Variants in SENP7 observed in about 807,000 individuals in gnomAD.
SENP7 encodes sentrin-specific protease 7.
In SENP7, 64 loss-of-function variants were observed where a neutral mutation model predicts 141.2. That is an observed-to-expected ratio of 0.45 (90% CI 0.37 to 0.56). The LOEUF is 0.56. Among genes scored for constraint, SENP7 ranks in the 20% least tolerant of loss-of-function variants. The probability of loss-of-function intolerance (pLI) is 0.00; values close to 1 mark genes in which losing one functional copy is unlikely to be tolerated. For missense variants in SENP7, 1,025 were observed against 1,212.2 expected (o/e 0.85, Z 2.29); for synonymous variants, 382 against 426.4 (o/e 0.90, Z 1.28).
chr3:101,385,226 C>T (rs1185654584), intron 6 of SENP7, among the ~76,000 whole-genome samples: 1 of 151,808 alleles, frequency 6.6e-6, no homozygotes, highest in Non-Finnish European at 1.5e-5. Context: ...AAAAAAAATA[C>T]CTTGAATGTC....
intron 1 of SENP7, among the ~76,000 whole-genome samples, chr3:101,511,811 G>C (rs543355094): frequency 1.3e-4 from 19 of 148,970 alleles, no homozygotes; most frequent in South Asian, 4.3e-4. Context: ...GGTTTTTTTT[G>C]TTTTTTTTTT....
chr3:101,399,740 C>CCTGA (rs2061078359), intron 5 of SENP7, among the ~76,000 whole-genome samples: 2 of 152,204 alleles, frequency 1.3e-5, no homozygotes, highest in African/African-American at 4.8e-5. Flanking sequence ...ATCCTCCTAC[C>CCTGA]TCAGCCTCTT....
At chr3:101,421,115 T>A (rs988543344) in intron 4 of SENP7, among the ~76,000 whole-genome samples, 1 of 152,142 alleles carries the variant, frequency 6.6e-6, no homozygotes, top group African/African-American at 2.4e-5. Flanking sequence ...ATAATTGTTA[T>A]GTAAGAGAAT....
intron 5 of SENP7, among the ~76,000 whole-genome samples, chr3:101,406,676 G>C (rs746907621): frequency 6.6e-6 from 1 of 151,884 alleles, no homozygotes; most frequent in Non-Finnish European, 1.5e-5. Flanking sequence ...AGCTTCCCTG[G>C]CCTTGCTAGA....
At chr3:101,386,183 G>A (rs923045642) in intron 6 of SENP7, among the ~76,000 whole-genome samples, 13 of 152,162 alleles carry the variant, frequency 8.5e-5, no homozygotes, top group African/African-American at 3.1e-4. Context: ...TAATTCAGCA[G>A]AGAACTGACA....
chr3:101,417,550 T>G, intron 5 of SENP7, 43 bp downstream of exon 5: 1 of 1,464,470 alleles, frequency 6.8e-7, no homozygotes. Flanking sequence ...TCATATTATT[T>G]CAAATGTGGT....
intron 3 of SENP7, among the ~76,000 whole-genome samples, chr3:101,464,223 A>T (rs2063684429): frequency 1.3e-5 from 2 of 152,216 alleles, no homozygotes; most frequent in South Asian, 2.1e-4. Context: ...GAACAAAATT[A>T]AAAAAGAAAC....
chr3:101,400,117 A>G (rs922682740), intron 5 of SENP7, among the ~76,000 whole-genome samples: 11 of 152,228 alleles, frequency 7.2e-5, no homozygotes, highest in African/African-American at 2.7e-4. Flanking sequence ...ACACTACAAT[A>G]ATGCCTTCAA....
chr3:101,346,659 G>A (rs535675266), intron 13 of SENP7, among the ~76,000 whole-genome samples: 1 of 152,176 alleles, frequency 6.6e-6, no homozygotes, highest in South Asian at 2.1e-4. Context: ...CTCAGGAATG[G>A]AAAACCAATC....
At chr3:101,487,778 A>G (rs1362850968) in intron 3 of SENP7, among the ~76,000 whole-genome samples, 4 of 152,106 alleles carry the variant, frequency 2.6e-5, no homozygotes, top group Non-Finnish European at 4.4e-5. Context: ...GTAGGTGTGC[A>G]GCATTATTTC....
chr3:101,375,404 G>A lies in SENP7; in HGVS notation c.678-3278C>T, dbSNP rs143881583. Among the ~76,000 whole-genome samples the A allele has an allele frequency of 6.1e-3, 934 of 151,886 alleles. 6 individuals carry two copies. Among genetic ancestry groups the A allele is most frequent in the African/African-American group, 0.022 (895 of 41,434 alleles). ...CTACTAATACAAAAATTAGCCAGGC[G>A]TGGTGGCGCACGCCTGTAATCCCAG... is the stretch of plus-strand genomic sequence containing the variant. On this transcript the variant is annotated intron_variant, in intron 6 of 23. Coordinates refer to ENST00000394095, the MANE Select transcript of SENP7 (RefSeq NM_020654.5).
intron 5 of SENP7, among the ~76,000 whole-genome samples, chr3:101,408,531 T>C (rs979199629): frequency 9.9e-5 from 15 of 151,966 alleles, no homozygotes; most frequent in African/African-American, 3.6e-4. Context: ...CAAAAGTCCT[T>C]AACAAAATAT....
At chr3:101,402,001 C>CAAA (rs35310049) in intron 5 of SENP7, among the ~76,000 whole-genome samples, 1 of 108,784 alleles carries the variant, frequency 9.2e-6, no homozygotes, top group Admixed American at 9.0e-5. Context: ...GACCCTGCCT[C>CAAA]AAAAAAAAAA....
chr3:101,498,997 C>T (rs1156552362), intron 2 of SENP7, among the ~76,000 whole-genome samples: 1 of 152,128 alleles, frequency 6.6e-6, no homozygotes, highest in African/African-American at 2.4e-5. Flanking sequence ...TTGGGGACCA[C>T]TGGTTTAAGG....
chr3:101,503,417 A>AT (rs1230331742), intron 1 of SENP7, among the ~76,000 whole-genome samples: 7 of 152,230 alleles, frequency 4.6e-5, no homozygotes, highest in Admixed American at 2.6e-4. Flanking sequence ...ATATTCAGGT[A>AT]TTTTTGTTCT....
Position 101,366,670 on chromosome 3 carries a change from G to A in SENP7, c.1078C>T (p.Pro360Ser), listed in dbSNP as rs200274145. The change falls in exon 9 of 24, where the codon CCT becomes TCT. Residue 360 changes from proline (P) to serine (S), a missense_variant. Pro to Ser is a moderately conservative substitution (Grantham distance 74). Coordinates refer to ENST00000394095, the MANE Select transcript of SENP7 (RefSeq NM_020654.5). ...PKLPEEITTK[P>S]TKSDFTKLSS... ...AGTTTAGTAAAATCACTTTTTGTAG[G>A]TTTAGTTGTAATTTCTTCAGGCAGT... 4 of 1,613,464 alleles carry A rather than the reference G, an allele frequency of 2.5e-6. No homozygotes were observed. The highest frequency in any genetic ancestry group is 3.4e-6 in the Non-Finnish European group (4 of 1,179,654).
intron 3 of SENP7, among the ~76,000 whole-genome samples, chr3:101,477,953 G>A (rs547975067): frequency 6.6e-5 from 10 of 151,810 alleles, no homozygotes; most frequent in East Asian, 1.9e-4. Context: ...GAAAAAAAGC[G>A]TTGTTTTTTT....
In SENP7 at chr3:101,337,499, A is replaced by C. The variant is rs2059217577; in HGVS notation, c.2480+10T>G. On this transcript the variant is annotated intron_variant, in intron 17 of 23. Transcript: ENST00000394095. ...TCTTAAAACTTAAGTACATTAGAGG[A>C]TTAACTTACGAAAGATTTGGATTAT... 10 of 1,505,322 alleles carry C rather than the reference A, an allele frequency of 6.6e-6. No homozygotes were observed. In the East Asian group the frequency reaches 2.3e-4, roughly 34 times the overall value. 93.2% of individuals were successfully genotyped at this position (1,505,322 alleles called of 1,614,324 possible). A position where few individuals can be genotyped will look rare whatever the true frequency, so the allele number is the denominator to read the frequency against.
Position 101,493,899 on chromosome 3 carries a change from A to C in SENP7, c.160T>G (p.Ser54Ala), listed in dbSNP as rs952550818. Residue 54 changes from serine (S) to alanine (A), a missense_variant, in exon 3 of 24, where the codon TCA (serine) becomes GCA (alanine). Around this residue, in one of 4 missense-constraint regions of SENP7, gnomAD observed 496 missense variants for 503.5 expected, o/e 0.99. Coordinates refer to ENST00000394095, the MANE Select transcript of SENP7 (RefSeq NM_020654.5). ...TGCAAAGGGAGAGTCCAGCGTTCTG[A>C]GCTTCTGAATTTGGACAGTGGTGAT... ...VQSPLSKFRSSERWTLPLQWE... is the reference protein window; with the variant it reads ...VQSPLSKFRSAERWTLPLQWE... The C allele has an allele frequency of 1.2e-6, 2 of 1,607,584 alleles. No individual in the cohort carries two copies. Among genetic ancestry groups the C allele is most frequent in the Non-Finnish European group, 1.7e-6 (2 of 1,175,160 alleles).
Sources: gnomAD v4.1 joint callset for allele counts (sites outside exome capture counted in the v4.1 genomes callset) on GRCh38, gnomAD v4.1.1 for gene constraint, gnomAD v4.1.1 regional missense constraint, MANE v1.5 for transcripts, NCBI Gene and HGNC (gene_info 2026-07-23, HGNC 2026-07-21) for gene names.